The following ZFYVE16 variants were observed in gnomAD, a reference collection of about 807,000 sequenced individuals.
ZFYVE16 encodes zinc finger FYVE domain-containing protein 16.
A neutral mutation model predicts 138.1 loss-of-function variants in ZFYVE16; 89 were observed. That is an observed-to-expected ratio of 0.64 (90% CI 0.54 to 0.77). The LOEUF is 0.77. Ranked by LOEUF, ZFYVE16 falls within the 30% of genes least tolerant of loss-of-function variation. ZFYVE16 has a pLI of 0.00. For missense variants in ZFYVE16, 1,793 were observed against 1,786.7 expected, an observed-to-expected ratio of 1.00 and a Z score of -0.06; for synonymous variants, 596 against 618.3, an observed-to-expected ratio of 0.96 and a Z score of 0.53.
chr5:80,411,134 ATTTTTT>A (rs58086060), intron 1 of ZFYVE16, among the ~76,000 whole-genome samples: 1,387 of 95,246 alleles, frequency 0.015, 31 homozygotes, highest in African/African-American at 0.047. Context: ...CGCCCAGCTA[ATTTTTT>A]TTTTTTTTTT....
rs373504696 is a variant in ZFYVE16 at position 80,421,003 on chromosome 5, C to G, written c.-93-6489C>G. ...GATCGCCATTCTAACTGGTGTGAGACGGTATCTCATTGTGGTTTTGATCTG... is the reference window on the plus strand; with the variant it reads ...GATCGCCATTCTAACTGGTGTGAGAGGGTATCTCATTGTGGTTTTGATCTG... On this transcript the variant is annotated intron_variant, in intron 1 of 18. Coordinates refer to ENST00000505560, the MANE Select transcript of ZFYVE16 (RefSeq NM_001284236.3). Among the ~76,000 whole-genome samples, 806 of 152,258 alleles carry G rather than the reference C, an allele frequency of 5.3e-3. 5 individuals carry two copies. Among genetic ancestry groups the G allele is most frequent in the African/African-American group, 0.018 (742 of 41,532 alleles).
In ZFYVE16 at chr5:80,437,929, A is replaced by G; in HGVS notation, c.1244A>G (p.Glu415Gly). 6.2e-7 allele frequency: 1 copy of G among 1,614,090 alleles called. No individual in the cohort carries two copies. Among genetic ancestry groups the G allele is most frequent in the Middle Eastern group, 1.6e-4 (1 of 6,062 alleles). The change falls in exon 4 of 19, where the codon GAA becomes GGA. Residue 415 changes from glutamate to glycine, a missense_variant. Glu to Gly is a moderately conservative substitution (Grantham distance 98, BLOSUM62 -2). Coordinates refer to ENST00000505560, the MANE Select transcript of ZFYVE16 (RefSeq NM_001284236.3). ...ATACAAGATGCAGTGACTATACATG[A>G]AGAAATACAGAACAGTGTTGTTCTA... Reference protein sequence around the residue: ...DNIQDAVTIHEEIQNSVVLGG... With the variant: ...DNIQDAVTIHGEIQNSVVLGG...
At chr5:80,447,045 T>C (rs921745793) in intron 7 of ZFYVE16, among the ~76,000 whole-genome samples, 5 of 152,084 alleles carry the variant, frequency 3.3e-5, no homozygotes, top group African/African-American at 9.7e-5. Context: ...GCGGATCATC[T>C]GAGGTCAGGA....
At chr5:80,465,825 G>A (rs1753690452) in intron 15 of ZFYVE16, among the ~76,000 whole-genome samples, 1 of 152,060 alleles carries the variant, frequency 6.6e-6, no homozygotes, top group Non-Finnish European at 1.5e-5. Flanking sequence ...GTTTGACTAT[G>A]ATGTGTTTAG....
intron 1 of ZFYVE16, among the ~76,000 whole-genome samples, chr5:80,411,331 A>T (rs973946770): frequency 4.6e-5 from 7 of 152,250 alleles, no homozygotes; most frequent in African/African-American, 1.7e-4. Context: ...CATATCATGT[A>T]GCTCTGAAAG....
At chr5:80,443,866 G>A (rs259033) in intron 6 of ZFYVE16, 383,609 of 456,070 alleles carry the variant, frequency 0.84, 166,246 homozygotes, top group East Asian at 0.93. Context: ...CAGACTTCCA[G>A]CCTGGCATCC....
At position 80,434,163 on chromosome 5, in the gene ZFYVE16, A is replaced by C; in HGVS notation, c.16A>C (p.Lys6Gln). MDSYFKAAVSDLDKLL... is the reference protein window; with the variant it reads MDSYFQAAVSDLDKLL... Reference sequence around the variant, plus strand: ...TGCAGGTAGGATGGACAGTTATTTTAAAGCAGCTGTCAGTGACTTGGACAA... The same window carrying C: ...TGCAGGTAGGATGGACAGTTATTTTCAAGCAGCTGTCAGTGACTTGGACAA... The change falls in exon 3 of 19, where the codon AAA becomes CAA. Residue 6 changes from lysine to glutamine, a missense_variant. Physicochemically the swap from Lys to Gln is moderately conservative, Grantham distance 53. Transcript: ENST00000505560. The C allele has an allele frequency of 1.2e-6, 2 of 1,613,424 alleles. No individual in the cohort carries two copies. The highest frequency in any genetic ancestry group is 1.7e-4 in the Middle Eastern group (1 of 6,048).
intron 15 of ZFYVE16, among the ~76,000 whole-genome samples, chr5:80,472,225 ATC>A (rs1754454526): frequency 6.6e-6 from 1 of 151,770 alleles, no homozygotes; most frequent in Non-Finnish European, 1.5e-5. Flanking sequence ...CAAACTCTTT[ATC>A]TCTTGAGTTC....
chr5:80,479,183 C>T lies in ZFYVE16; in HGVS notation c.*1806C>T, dbSNP rs1561349744. 1 of 152,048 alleles carries T rather than the reference C, an allele frequency of 6.6e-6. No homozygotes were observed. 9.4% of individuals were successfully genotyped at this position (152,048 alleles called of 1,614,324 possible). A position where few individuals can be genotyped will look rare whatever the true frequency, so the allele number is the denominator to read the frequency against. On this transcript the variant is annotated 3_prime_UTR_variant, in exon 19 of 19. Coordinates refer to ENST00000505560, the MANE Select transcript of ZFYVE16 (RefSeq NM_001284236.3). Reference sequence around the variant, plus strand: ...AGTATGTTTCTGAATGTGTTTGTTACTTATTTGGTCATTGGTACTTAATTT... The same window carrying T: ...AGTATGTTTCTGAATGTGTTTGTTATTTATTTGGTCATTGGTACTTAATTT...
At position 80,441,108 on chromosome 5, in the gene ZFYVE16, TAGA is replaced by T. The variant is rs949305273; in HGVS notation, c.2419+1080_2419+1082del. ...TTTTTCTTATGCTGTTTCAGTAGCCTAGAAGATGACTGCTGGTGCTGTTAGCCA... is the reference window on the plus strand; with the variant it reads ...TTTTTCTTATGCTGTTTCAGTAGCCTAGATGACTGCTGGTGCTGTTAGCCA... On this transcript the variant is annotated intron_variant, in intron 5 of 18. Coordinates refer to ENST00000505560, the MANE Select transcript of ZFYVE16 (RefSeq NM_001284236.3). The T allele has an allele frequency of 5.1e-6, 5 of 985,430 alleles. No homozygotes were observed. The African/African-American group carries it at 5.2e-5, about 10-fold the overall frequency. 61.0% of individuals were successfully genotyped at this position (985,430 alleles called of 1,614,324 possible). A position where few individuals can be genotyped will look rare whatever the true frequency, so the allele number is the denominator to read the frequency against.
intron 6 of ZFYVE16, among the ~76,000 whole-genome samples, chr5:80,444,262 T>A (rs145560543): frequency 1.3e-5 from 2 of 152,266 alleles, no homozygotes; most frequent in Non-Finnish European, 2.9e-5. Flanking sequence ...TAAAGATGAA[T>A]AATTTGTGTT....
intron 15 of ZFYVE16, among the ~76,000 whole-genome samples, chr5:80,466,861 G>C (rs1478281595): frequency 6.6e-6 from 1 of 152,136 alleles, no homozygotes; most frequent in Non-Finnish European, 1.5e-5. Flanking sequence ...GTTTATTAAA[G>C]AAAAATGACT....
chr5:80,466,633 A>G (rs1753784143), intron 15 of ZFYVE16, among the ~76,000 whole-genome samples: 1 of 152,108 alleles, frequency 6.6e-6, no homozygotes, highest in South Asian at 2.1e-4. Context: ...TTTTCCCTTC[A>G]TATACAGGCC....
chr5:80,473,635 A>G, intron 16 of ZFYVE16, 119 bp from the exon 17 acceptor site: 1 of 628,610 alleles, frequency 1.6e-6, no homozygotes, highest in Non-Finnish European at 2.6e-6. Flanking sequence ...GTTATTTTGT[A>G]TATAATTGAC....
intron 18 of ZFYVE16, 51 bp from the exon 19 acceptor site, chr5:80,477,168 G>T: frequency 7.0e-7 from 1 of 1,427,232 alleles, no homozygotes; most frequent in Admixed American, 2.4e-5. Flanking sequence ...TTCACATTCC[G>T]AGTTAAACAA....
Position 80,437,187 on chromosome 5 carries a change from T to C in ZFYVE16, c.502T>C (p.Ser168Pro). 6.2e-7 allele frequency: 1 copy of C among 1,614,054 alleles called. No homozygotes were observed. The highest frequency in any genetic ancestry group is 1.3e-5 in the African/African-American group (1 of 75,048). Residue 168 changes from serine (S) to proline (P), a missense_variant, in exon 4 of 19, where the codon TCA (serine) becomes CCA (proline). Ser to Pro is a moderately conservative substitution (Grantham distance 74, BLOSUM62 -1). Around this residue, in one of 2 missense-constraint regions of ZFYVE16, gnomAD observed 1,295 missense variants for 1,204.3 expected, o/e 1.08. Coordinates refer to ENST00000505560, the MANE Select transcript of ZFYVE16 (RefSeq NM_001284236.3). Reference protein sequence around the residue: ...ADSLIGLDLSSVSDTPCVSST... With the variant: ...ADSLIGLDLSPVSDTPCVSST... ...TTCCTTGATTGGATTGGATTTATCTTCAGTGTCAGATACTCCCTGTGTTTC... is the reference window on the plus strand; with the variant it reads ...TTCCTTGATTGGATTGGATTTATCTCCAGTGTCAGATACTCCCTGTGTTTC...
chr5:80,444,319 A>T (rs1291321623), intron 6 of ZFYVE16, among the ~76,000 whole-genome samples: 1 of 152,164 alleles, frequency 6.6e-6, no homozygotes, highest in Non-Finnish European at 1.5e-5. Flanking sequence ...ATTAAATTAT[A>T]AAAATGTTGC....
intron 1 of ZFYVE16, among the ~76,000 whole-genome samples, chr5:80,421,702 G>T (rs1747206772): frequency 6.6e-6 from 1 of 152,174 alleles, no homozygotes; most frequent in Admixed American, 6.5e-5. Flanking sequence ...CTGTAGCCTT[G>T]TAGTATAGTT....
chr5:80,443,780 T>C (rs1235208695), intron 6 of ZFYVE16: 2 of 456,284 alleles, frequency 4.4e-6, no homozygotes, highest in Non-Finnish European at 8.8e-6. Context: ...TCCCACCTTA[T>C]GGTCTCCCAC....
Sources: allele counts gnomAD v4.1 joint callset (sites outside exome capture counted in the v4.1 genomes callset), GRCh38; gene constraint gnomAD v4.1.1; regional missense constraint gnomAD v4.1.1; transcripts MANE v1.5; gene names NCBI Gene and HGNC (gene_info 2026-07-23, HGNC 2026-07-21).